The following SMPDL3B variants were observed in gnomAD, a reference collection of about 807,000 sequenced individuals.
SMPDL3B encodes acid sphingomyelinase-like phosphodiesterase 3b.
In SMPDL3B, 31 loss-of-function variants were observed where a neutral mutation model predicts 37.9. The observed-to-expected ratio is 0.82, with a 90% CI of 0.61 to 1.10. The LOEUF (loss-of-function observed/expected upper bound fraction) is 1.10. Among genes scored for constraint, SMPDL3B ranks in the 50% least tolerant of loss-of-function variants. SMPDL3B has a pLI of 0.00. For synonymous variants in SMPDL3B, 235 were observed against 242.6 expected (o/e 0.97, Z 0.29); for missense variants, 525 against 597.8 (o/e 0.88, Z 1.27).
intron 2 of SMPDL3B, among the ~76,000 whole-genome samples, chr1:27,947,197 C>G (rs895110970): frequency 6.6e-6 from 1 of 151,990 alleles, no homozygotes; most frequent in Non-Finnish European, 1.5e-5. Context: ...CCACCACGCC[C>G]GGCTAATTTT....
chr1:27,940,128 G>A (rs1270588288), intron 1 of SMPDL3B, among the ~76,000 whole-genome samples: 5 of 152,126 alleles, frequency 3.3e-5, no homozygotes. Context: ...GAGCATAAAG[G>A]CCTGGTGATC....
intron 1 of SMPDL3B, chr1:27,942,128 C>G: frequency 2.7e-6 from 1 of 375,590 alleles, no homozygotes; most frequent in Non-Finnish European, 5.5e-6. Flanking sequence ...CGACAACTGA[C>G]AGGTGAGATG....
rs1360307919 is a variant in SMPDL3B, at chr1:27,957,222, C to T, written c.1005+1140C>T. On this transcript the variant is annotated intron_variant, in intron 7 of 7. Coordinates refer to ENST00000373894, the MANE Select transcript of SMPDL3B (RefSeq NM_014474.4). ...AGGCCGTTTGGAGGGAAGGACAAAT[C>T]CCAGATGACAGGATAGTAGCTTGCC... Among the ~76,000 whole-genome samples, 2 of 152,020 alleles carry T rather than the reference C, an allele frequency of 1.3e-5. 1 individual carries two copies. Among genetic ancestry groups the T allele is most frequent in the Admixed American group, 1.3e-4 (2 of 15,264 alleles).
chr1:27,935,228 T>A lies in SMPDL3B; in HGVS notation c.45T>A (p.Gly15=). ...AWLIFLANWG[G]ARAEPGKFWH... is the part of the protein sequence containing the mutation. ...TGATTTTCCTGGCTAACTGGGGAGG[T>A]GCCAGGGCTGAACCAGGTACAGCAC... The change falls in exon 1 of 8, where the codon GGT becomes GGA. Residue 15 remains glycine (G), a synonymous_variant. Transcript: ENST00000373894. The A allele has an allele frequency of 1.2e-6, 2 of 1,613,028 alleles. No individual in the cohort carries two copies. Among genetic ancestry groups the A allele is most frequent in the Non-Finnish European group, 1.7e-6 (2 of 1,179,154 alleles).
intron 1 of SMPDL3B, among the ~76,000 whole-genome samples, chr1:27,941,737 A>G (rs2090360964): frequency 1.3e-5 from 2 of 152,174 alleles, no homozygotes; most frequent in African/African-American, 4.8e-5. Flanking sequence ...CAGCCGCATG[A>G]TGATGTGGGA....
chr1:27,952,707 T>C (rs140131028), intron 3 of SMPDL3B, among the ~76,000 whole-genome samples: 67 of 152,336 alleles, frequency 4.4e-4, no homozygotes, highest in African/African-American at 1.5e-3. Flanking sequence ...GTCAACCCTA[T>C]TGAACTGCAG....
chr1:27,936,084 G>T (rs983719812), intron 1 of SMPDL3B, among the ~76,000 whole-genome samples: 1 of 152,144 alleles, frequency 6.6e-6, no homozygotes, highest in African/African-American at 2.4e-5. Context: ...GCAGGCTTTT[G>T]CTCAGGGTGA....
intron 5 of SMPDL3B, among the ~76,000 whole-genome samples, chr1:27,955,091 A>C (rs1372668701): frequency 2.0e-5 from 3 of 152,252 alleles, no homozygotes; most frequent in African/African-American, 7.2e-5. Flanking sequence ...ACCCCGGCTC[A>C]GTAGCGAGTC....
chr1:27,950,175 T>C (rs1466979219), intron 3 of SMPDL3B, among the ~76,000 whole-genome samples: 1 of 152,174 alleles, frequency 6.6e-6, no homozygotes, highest in African/African-American at 2.4e-5. Context: ...AAAGTCAATC[T>C]AGGCAAAGAG....
At position 27,936,052 on chromosome 1, in the gene SMPDL3B, C is replaced by T. The variant is rs567481763; in HGVS notation, c.61+808C>T. Among the ~76,000 whole-genome samples, 24 of 152,268 alleles carry T rather than the reference C, an allele frequency of 1.6e-4. No homozygotes were observed. In the South Asian group the frequency reaches 4.4e-3, roughly 28 times the overall value. On this transcript the variant is annotated intron_variant, in intron 1 of 7. Coordinates refer to ENST00000373894, the MANE Select transcript of SMPDL3B (RefSeq NM_014474.4). ...GAGGACTCAGACATTTTTCTTTCCA[C>T]GTGCCTGTAGATAGGAAGGACGCAG...
chr1:27,945,519 C>A lies in SMPDL3B; in HGVS notation c.275+74C>A. On this transcript the variant is annotated intron_variant, in intron 2 of 7. Transcript: ENST00000373894. This position sits in a 1 kb window ranked among gnomAD's most constrained non-coding sequence, Gnocchi z 4.0. ...TGCTACATACCAGTCTGGCCCTTTG[C>A]CCACATTATCTCCCTTAATCCTCAC... 8.6e-7 allele frequency: 1 copy of A among 1,158,912 alleles called. No homozygotes were observed. The highest frequency in any genetic ancestry group is 1.3e-6 in the Non-Finnish European group (1 of 780,452). The allele number at this position is 1,158,912 out of a possible 1,614,324, so 71.8% of individuals were successfully genotyped here.
chr1:27,940,379 G>A (rs926684081), intron 1 of SMPDL3B, among the ~76,000 whole-genome samples: 19 of 152,334 alleles, frequency 1.2e-4, no homozygotes, highest in Non-Finnish European at 1.6e-4. Context: ...GTCTCTCATG[G>A]TGAGAGGGGG....
intron 2 of SMPDL3B, among the ~76,000 whole-genome samples, chr1:27,947,262 C>T (rs12563861): frequency 0.032 from 4,908 of 152,108 alleles, 271 homozygotes; most frequent in East Asian, 0.25. Flanking sequence ...TCTCAAACTC[C>T]CGACCTCAGG....
At chr1:27,948,585 T>C (rs2090429966) in intron 2 of SMPDL3B, among the ~76,000 whole-genome samples, 1 of 152,168 alleles carries the variant, frequency 6.6e-6, no homozygotes, top group Admixed American at 6.5e-5. Context: ...TGAAGCCAGC[T>C]TCAAACTCCT....
intron 2 of SMPDL3B, among the ~76,000 whole-genome samples, chr1:27,946,090 A>G (rs1046424286): frequency 2.0e-5 from 3 of 152,136 alleles, no homozygotes; most frequent in Admixed American, 2.0e-4. Flanking sequence ...ATAGTGGCTC[A>G]TGCTTGTAAT....
In SMPDL3B at chr1:27,935,244, G is replaced by A; in HGVS notation, c.61G>A (p.Gly21Arg). 4.3e-6 allele frequency: 7 copies of A among 1,611,310 alleles called. No individual in the cohort carries two copies. Among genetic ancestry groups the A allele is most frequent in the South Asian group, 1.1e-5 (1 of 90,990 alleles). The change falls in exon 1 of 8, where the codon GGG becomes AGG. Residue 21 changes from glycine (G) to arginine (R), a missense_variant and splice_region_variant. By Grantham distance (125) the Gly-to-Arg change is moderately radical. Transcript: ENST00000373894. Reference sequence around the variant, plus strand: ...CTGGGGAGGTGCCAGGGCTGAACCAGGTACAGCACTGGGAATGTCTGCTAT... The same window carrying A: ...CTGGGGAGGTGCCAGGGCTGAACCAAGTACAGCACTGGGAATGTCTGCTAT... ...ANWGGARAEPGKFWHIADLHL... is the reference protein window; with the variant it reads ...ANWGGARAEPRKFWHIADLHL...
Position 27,949,065 on chromosome 1 carries a change from T to C in SMPDL3B, c.276T>C (p.Gly92=), listed in dbSNP as rs988277255. The change falls in exon 3 of 8, where the codon GGT becomes GGC. Residue 92 remains glycine, a splice_region_variant and synonymous_variant. Transcript: ENST00000373894. ...EPEPDFILWT[G]DDTPHVPDEK... Reference sequence around the variant, plus strand: ...AAATTGGCTTGGTGGTGTTTTGTAGTGATGACACGCCTCATGTGCCCGATG... The same window carrying C: ...AAATTGGCTTGGTGGTGTTTTGTAGCGATGACACGCCTCATGTGCCCGATG... 1.2e-6 allele frequency: 2 copies of C among 1,614,084 alleles called. No homozygotes were observed. The highest frequency in any genetic ancestry group is 2.7e-5 in the African/African-American group (2 of 74,932).
chr1:27,951,203 A>G (rs2090453145), intron 3 of SMPDL3B, among the ~76,000 whole-genome samples: 1 of 152,328 alleles, frequency 6.6e-6, no homozygotes, highest in African/African-American at 2.4e-5. Context: ...AAAAACAGCT[A>G]CCAATTATAA....
intron 3 of SMPDL3B, among the ~76,000 whole-genome samples, chr1:27,951,910 C>T (rs1037897349): frequency 1.3e-5 from 2 of 152,188 alleles, no homozygotes; most frequent in South Asian, 4.1e-4. Context: ...ACTCAGTCTG[C>T]TCCCTGTGAA....
Sources: gnomAD v4.1 joint callset for allele counts (sites outside exome capture counted in the v4.1 genomes callset) on GRCh38, gnomAD v4.1.1 for gene constraint, Gnocchi (gnomAD v3.1) non-coding constraint, MANE v1.5 for transcripts, NCBI Gene and HGNC (gene_info 2026-07-23, HGNC 2026-07-21) for gene names.